The following BACE2 variants were observed in gnomAD, a reference collection of about 807,000 sequenced individuals.
BACE2 encodes the protein beta-secretase 2.
A neutral mutation model predicts 46.2 loss-of-function variants in BACE2; 17 were observed. The ratio of observed to expected loss-of-function variants is 0.37; its 90% confidence interval spans 0.25 to 0.55. The LOEUF is 0.55. BACE2 is among the 20% of genes least tolerant of loss of function. The pLI, the probability that BACE2 is intolerant of heterozygous loss-of-function variation, is 0.82. For missense variants in BACE2, 595 were observed against 698.1 expected, an observed-to-expected ratio of 0.85 and a Z score of 1.66; for synonymous variants, 277 against 295.9, an observed-to-expected ratio of 0.94 and a Z score of 0.66.
intron 1 of BACE2, among the ~76,000 whole-genome samples, chr21:41,190,385 C>T (rs1013712835): frequency 4.6e-5 from 7 of 152,166 alleles, no homozygotes; most frequent in Non-Finnish European, 2.9e-5. Context: ...GATTTGAAGT[C>T]AGTAAATCTT....
rs1198878676 is a variant in BACE2 at position 41,168,459 on chromosome 21, C to A, written c.196C>A (p.Pro66Thr). 1 of 1,398,730 alleles carries A rather than the reference C, an allele frequency of 7.1e-7. No individual in the cohort carries two copies. Among genetic ancestry groups the A allele is most frequent in the Non-Finnish European group, 9.3e-7 (1 of 1,073,726 alleles). 86.6% of individuals were successfully genotyped at this position (1,398,730 alleles called of 1,614,324 possible). Residue 66 changes from proline to threonine, a missense_variant, in exon 1 of 9, where the codon CCT (proline) becomes ACT (threonine). By Grantham distance (38) the Pro-to-Thr change is conservative. Coordinates refer to ENST00000330333, the MANE Select transcript of BACE2 (RefSeq NM_012105.5). ...HADGLALALE[P>T]ALASPAGAAN... ...CGACGGCTTGGCGCTCGCCCTGGAG[C>A]CTGCCCTGGCGTCCCCCGCGGGCGC...
At chr21:41,208,074 C>T (rs983752877) in intron 1 of BACE2, among the ~76,000 whole-genome samples, 3 of 152,190 alleles carry the variant, frequency 2.0e-5, no homozygotes, top group African/African-American at 2.4e-5. Context: ...AGGCAAAAGT[C>T]GTCTCCCATA....
chr21:41,221,044 TAAA>T (rs59801748), intron 1 of BACE2, among the ~76,000 whole-genome samples: 196 of 132,738 alleles, frequency 1.5e-3, no homozygotes, highest in African/African-American at 5.1e-3. Flanking sequence ...AAAAGTATAT[TAAA>T]AAAAAAAAAA....
At chr21:41,259,777 A>G (rs1306480392) in intron 8 of BACE2, among the ~76,000 whole-genome samples, 1 of 151,888 alleles carries the variant, frequency 6.6e-6, no homozygotes, top group East Asian at 1.9e-4. Flanking sequence ...ACAACTCTCT[A>G]TCACCTTCTG....
At chr21:41,187,053 C>G (rs1985403876) in intron 1 of BACE2, among the ~76,000 whole-genome samples, 1 of 152,202 alleles carries the variant, frequency 6.6e-6, no homozygotes, top group Non-Finnish European at 1.5e-5. Context: ...CCAAGCCTTG[C>G]CTCTGGAATC....
chr21:41,199,573 C>A (rs1985880051), intron 1 of BACE2, among the ~76,000 whole-genome samples: 1 of 152,116 alleles, frequency 6.6e-6, no homozygotes, highest in Non-Finnish European at 1.5e-5. Context: ...TTCCTTCTGT[C>A]CTGTGCTAGG....
Position 41,178,367 on chromosome 21 carries a change from C to A in BACE2, c.312+9792C>A, listed in dbSNP as rs537910066. 6 of 152,374 alleles carry A rather than the reference C, an allele frequency of 3.9e-5. 1 individual carries two copies. Among genetic ancestry groups the A allele is most frequent in the Admixed American group, 3.3e-4 (5 of 15,310 alleles). The allele number at this position is 152,374 out of a possible 1,614,324, so 9.4% of individuals were successfully genotyped here. On this transcript the variant is annotated intron_variant, in intron 1 of 8. Coordinates refer to ENST00000330333, the MANE Select transcript of BACE2 (RefSeq NM_012105.5). ...GAGAAGAGTTAAAAATCACTTATAA[C>A]TGGAGTGACTGGGGGTTAAAGAGGA...
At chr21:41,169,188 G>C (rs1267444312) in intron 1 of BACE2, among the ~76,000 whole-genome samples, 4 of 151,948 alleles carry the variant, frequency 2.6e-5, no homozygotes, top group Admixed American at 2.0e-4. Context: ...CTCGGAGTTG[G>C]TTTGTCAGCT....
At chr21:41,257,511 C>T (rs893921485) in intron 8 of BACE2, among the ~76,000 whole-genome samples, 185 bp downstream of exon 8, 13 of 152,206 alleles carry the variant, frequency 8.5e-5, no homozygotes, top group Admixed American at 6.5e-4. Flanking sequence ...TAAATGACAT[C>T]ATCCATGTGA....
rs532454593 is a variant in BACE2 at position 41,259,343 on chromosome 21, G to A, written c.1303+2017G>A. Among the ~76,000 whole-genome samples, 4 of 152,130 alleles carry A rather than the reference G, an allele frequency of 2.6e-5. No individual in the cohort carries two copies. In the South Asian group the frequency reaches 8.3e-4, roughly 32 times the overall value. ...ATATGTCCCCTCTTCCATGTGGATTGTTTCGCCATTAAAGTAATTACTTTC... is the reference window on the plus strand; with the variant it reads ...ATATGTCCCCTCTTCCATGTGGATTATTTCGCCATTAAAGTAATTACTTTC... On this transcript the variant is annotated intron_variant, in intron 8 of 8. Coordinates refer to ENST00000330333, the MANE Select transcript of BACE2 (RefSeq NM_012105.5).
At chr21:41,219,952 C>T (rs931615020) in intron 1 of BACE2, among the ~76,000 whole-genome samples, 2 of 152,306 alleles carry the variant, frequency 1.3e-5, no homozygotes, top group African/African-American at 4.8e-5. Flanking sequence ...CGTGGGACCC[C>T]AGAGTGAGGG....
At chr21:41,209,132 A>G (rs1986221254) in intron 1 of BACE2, among the ~76,000 whole-genome samples, 1 of 152,170 alleles carries the variant, frequency 6.6e-6, no homozygotes, top group Admixed American at 6.5e-5. Flanking sequence ...CAGGCCATGG[A>G]GATTGTGCAC....
At chr21:41,169,058 G>T (rs1276062420) in intron 1 of BACE2, among the ~76,000 whole-genome samples, 1 of 137,734 alleles carries the variant, frequency 7.3e-6, no homozygotes, top group Non-Finnish European at 1.5e-5. Context: ...GGCTTCCAAA[G>T]GCGCAGTACC....
At chr21:41,233,689 G>A (rs1030107400) in intron 2 of BACE2, among the ~76,000 whole-genome samples, 4 of 152,202 alleles carry the variant, frequency 2.6e-5, no homozygotes, top group Non-Finnish European at 5.9e-5. Context: ...GGCTGGGCAA[G>A]GTGGCTCACG....
intron 7 of BACE2, among the ~76,000 whole-genome samples, chr21:41,252,893 C>T (rs1987679529): frequency 6.7e-6 from 1 of 149,612 alleles, no homozygotes; most frequent in Non-Finnish European, 1.5e-5. Context: ...TTGAAAGCTC[C>T]AGGAGAAATT....
chr21:41,186,401 G>C (rs1985376484), intron 1 of BACE2: 1 of 152,274 alleles, frequency 6.6e-6, no homozygotes, highest in Non-Finnish European at 1.5e-5. Context: ...GAGCTCGGTA[G>C]TGTTAGCAGC....
At chr21:41,262,539 C>T (rs1020334396) in intron 8 of BACE2, among the ~76,000 whole-genome samples, 3 of 152,042 alleles carry the variant, frequency 2.0e-5, no homozygotes, top group African/African-American at 4.8e-5. Context: ...TTCAACTTGT[C>T]GAGATCCCTG....
intron 1 of BACE2, chr21:41,179,095 C>A: frequency 8.4e-7 from 1 of 1,184,186 alleles, no homozygotes; most frequent in South Asian, 1.5e-5. Flanking sequence ...GTGAGGGTGT[C>A]AGGGTGACTG....
chr21:41,230,026 A>T (rs1308030900), intron 2 of BACE2: 4 of 152,342 alleles, frequency 2.6e-5, no homozygotes, highest in South Asian at 4.1e-4. Context: ...CCCCATTGCC[A>T]CTTCCACCAT....
Sources: gnomAD v4.1 joint callset for allele counts (sites outside exome capture counted in the v4.1 genomes callset) on GRCh38, gnomAD v4.1.1 for gene constraint, MANE v1.5 for transcripts, NCBI Gene and HGNC (gene_info 2026-07-23, HGNC 2026-07-21) for gene names.